The following ROBO1 variants were observed in gnomAD, a reference collection of about 807,000 sequenced individuals.
The protein encoded by ROBO1 is roundabout guidance receptor 1.
In ROBO1, 149 loss-of-function variants were observed where a neutral mutation model predicts 195.9. The ratio of observed to expected loss-of-function variants is 0.76; its 90% confidence interval spans 0.67 to 0.87. The LOEUF is 0.87. Among genes scored for constraint, ROBO1 ranks in the 40% least tolerant of loss-of-function variants. ROBO1 has a pLI of 0.00. For synonymous variants in ROBO1, 816 were observed against 733.2 expected, an observed-to-expected ratio of 1.11 and a Z score of -1.82; for missense variants, 1,933 against 2,068.3, an observed-to-expected ratio of 0.93 and a Z score of 1.27.
At chr3:78,773,505 C>T (rs545253117) in intron 4 of ROBO1, among the ~76,000 whole-genome samples, 2 of 152,174 alleles carry the variant, frequency 1.3e-5, no homozygotes, top group South Asian at 4.2e-4. Flanking sequence ...ATTTAAAAAT[C>T]CATACCATAA....
chr3:79,095,814 T>C (rs1212357233), intron 3 of ROBO1, among the ~76,000 whole-genome samples: 1 of 152,016 alleles, frequency 6.6e-6, no homozygotes, highest in Non-Finnish European at 1.5e-5. Context: ...ATTCCAAAAA[T>C]ACCACATTTT....
In ROBO1 at chr3:78,607,141, T is replaced by C. The variant is rs558346367; in HGVS notation, c.4436-100A>G. ...GGAGCCACATTCACCTACGAGATAC[T>C]ATATCTTAGATGAACTAGAATACTT... On this transcript the variant is annotated intron_variant, in intron 28 of 30. Coordinates refer to ENST00000464233, the MANE Select transcript of ROBO1 (RefSeq NM_002941.4). 2.4e-4 allele frequency: 279 copies of C among 1,151,354 alleles called. 4 individuals are homozygous for C. In the African/African-American group the frequency reaches 4.0e-3, roughly 16 times the overall value. 71.3% of individuals were successfully genotyped at this position (1,151,354 alleles called of 1,614,324 possible).
intron 3 of ROBO1, among the ~76,000 whole-genome samples, chr3:79,056,781 G>T (rs534917840): frequency 6.6e-6 from 1 of 151,918 alleles, no homozygotes; most frequent in Non-Finnish European, 1.5e-5. Flanking sequence ...TCTGGTTTTC[G>T]CTTCATTGCA....
chr3:78,677,353 G>C (rs550388973), intron 10 of ROBO1, among the ~76,000 whole-genome samples: 2 of 152,036 alleles, frequency 1.3e-5, no homozygotes, highest in African/African-American at 4.8e-5. Context: ...TGGACTAAAT[G>C]CTCCAATTAA....
At chr3:79,287,807 A>T (rs2031983878) in intron 2 of ROBO1, among the ~76,000 whole-genome samples, 1 of 152,118 alleles carries the variant, frequency 6.6e-6, no homozygotes, top group East Asian at 1.9e-4. Flanking sequence ...TTTTGATACA[A>T]ATGTTTCCAT....
intron 2 of ROBO1, among the ~76,000 whole-genome samples, chr3:79,171,463 T>C (rs761991457): frequency 1.3e-5 from 2 of 151,248 alleles, no homozygotes; most frequent in Non-Finnish European, 3.0e-5. Flanking sequence ...AATTTTTTCT[T>C]TTGTTGATAT....
chr3:79,329,463 C>T (rs2034345132), intron 2 of ROBO1, among the ~76,000 whole-genome samples: 2 of 152,098 alleles, frequency 1.3e-5, no homozygotes, highest in African/African-American at 4.8e-5. Flanking sequence ...GGAATGATGC[C>T]ATCATTTTCA....
At chr3:79,610,828 A>G (rs1944634809) in intron 1 of ROBO1, among the ~76,000 whole-genome samples, 1 of 152,128 alleles carries the variant, frequency 6.6e-6, no homozygotes. Context: ...TTATGCTTCA[A>G]GAACAACGGA....
At chr3:79,444,799 C>T (rs1025482410) in intron 2 of ROBO1, among the ~76,000 whole-genome samples, 3 of 151,936 alleles carry the variant, frequency 2.0e-5, no homozygotes, top group Admixed American at 1.3e-4. Context: ...ATGCTATATG[C>T]ATTAACATAA....
chr3:79,759,958 G>A lies in ROBO1; in HGVS notation c.-51+7794C>T, dbSNP rs532864876. On this transcript the variant is annotated intron_variant, in intron 1 of 30. Transcript: ENST00000464233. ...TGAATGTAAAAAGCAAAACTGAGGCGGGGAGTGGTGGCTCATGCCTGTAAT... is the reference window on the plus strand; with the variant it reads ...TGAATGTAAAAAGCAAAACTGAGGCAGGGAGTGGTGGCTCATGCCTGTAAT... 9.9e-5 allele frequency among the ~76,000 whole-genome samples: 15 copies of A among 152,068 alleles called. No homozygotes were observed. In the South Asian group the frequency reaches 1.2e-3, roughly 13 times the overall value.
intron 2 of ROBO1, among the ~76,000 whole-genome samples, chr3:79,470,981 T>C (rs1157959351): frequency 6.6e-6 from 1 of 152,186 alleles, no homozygotes; most frequent in Non-Finnish European, 1.5e-5. Flanking sequence ...TATTAATTTA[T>C]TGTGTATATA....
rs575904804 is a variant in ROBO1, at chr3:79,540,340, A to G, written c.88+49484T>C. ...AAAGACTGTCTTGTAGGTTCAGTTG[A>G]TAAAATCCCCTGTACACATTAAGTG... is the stretch of plus-strand genomic sequence containing the variant. On this transcript the variant is annotated intron_variant, in intron 2 of 30. Transcript: ENST00000464233. Among the ~76,000 whole-genome samples, 3 of 152,232 alleles carry G rather than the reference A, an allele frequency of 2.0e-5. No individual in the cohort carries two copies. The South Asian group carries it at 6.2e-4, about 32-fold the overall frequency.
intron 5 of ROBO1, 49 bp from the exon 6 acceptor site, chr3:78,717,932 G>C (rs1370036110): frequency 6.3e-7 from 1 of 1,587,842 alleles, no homozygotes; most frequent in Non-Finnish European, 8.6e-7. Flanking sequence ...CTTCAGCTAT[G>C]TTTACATGAC....
In ROBO1 at chr3:78,678,346, G is replaced by C. The variant is rs1278872828; in HGVS notation, c.1342+7400C>G. On this transcript the variant is annotated intron_variant, in intron 10 of 30. Transcript: ENST00000464233. ...AATCAGAGCAGAACTGAAGGAAATAGAGACACAAAAAACCCTTCAAAAAAT... is the reference window on the plus strand; with the variant it reads ...AATCAGAGCAGAACTGAAGGAAATACAGACACAAAAAACCCTTCAAAAAAT... Among the ~76,000 whole-genome samples, 6 of 151,912 alleles carry C rather than the reference G, an allele frequency of 3.9e-5. No homozygotes were observed. In the South Asian group the frequency reaches 8.3e-4, roughly 21 times the overall value.
chr3:79,382,477 C>T (rs1575752897), intron 2 of ROBO1, among the ~76,000 whole-genome samples: 1 of 152,176 alleles, frequency 6.6e-6, no homozygotes, highest in Non-Finnish European at 1.5e-5. Context: ...GGGCTAAAGA[C>T]AGACAACTAT....
intron 1 of ROBO1, among the ~76,000 whole-genome samples, chr3:79,759,523 C>T (rs1198555962): frequency 1.3e-5 from 2 of 152,142 alleles, no homozygotes; most frequent in East Asian, 3.9e-4. Context: ...CCTTAGTAAA[C>T]AGGATTCATT....
intron 2 of ROBO1, among the ~76,000 whole-genome samples, chr3:79,176,843 T>C (rs1206129555): frequency 6.6e-6 from 1 of 152,176 alleles, no homozygotes; most frequent in East Asian, 1.9e-4. Flanking sequence ...CTAAAAATGG[T>C]ATTATATTGT....
chr3:78,810,171 C>T (rs1299913842), intron 4 of ROBO1, among the ~76,000 whole-genome samples: 1 of 152,102 alleles, frequency 6.6e-6, no homozygotes, highest in Non-Finnish European at 1.5e-5. Context: ...GCATTCCAAG[C>T]GCCAGCTTGC....
At chr3:79,648,628 T>C (rs1018248987) in intron 1 of ROBO1, among the ~76,000 whole-genome samples, 4 of 152,018 alleles carry the variant, frequency 2.6e-5, no homozygotes, top group Admixed American at 2.6e-4. Flanking sequence ...ATGACAACAA[T>C]GACCACCATA....
Sources: allele counts gnomAD v4.1 joint callset (sites outside exome capture counted in the v4.1 genomes callset), GRCh38; gene constraint gnomAD v4.1.1; transcripts MANE v1.5; gene names NCBI Gene and HGNC (gene_info 2026-07-23, HGNC 2026-07-21).